Variants in POLI observed in about 807,000 individuals in gnomAD.
POLI encodes DNA polymerase iota, also known as RAD30 homolog B.
POLI carries 58 observed loss-of-function variants against 51.6 expected under a neutral mutation model. The observed-to-expected ratio is 1.12, with a 90% CI of 0.91 to 1.40. The LOEUF (loss-of-function observed/expected upper bound fraction) is 1.40, where lower values mean the gene tolerates loss of function less well. Among genes scored for constraint, POLI ranks in the 40% most tolerant of loss-of-function variants. POLI has a pLI of 0.00. For synonymous variants in POLI, 322 were observed against 299.7 expected, an observed-to-expected ratio of 1.07 and a Z score of -0.77; for missense variants, 921 against 871.3, an observed-to-expected ratio of 1.06 and a Z score of -0.72.
Position 54,277,844 on chromosome 18 carries a change from A to G in POLI, c.548A>G (p.Tyr183Cys). 6 of 1,610,508 alleles carry G rather than the reference A, an allele frequency of 3.7e-6. No individual in the cohort carries two copies. The highest frequency in any genetic ancestry group is 5.1e-6 in the Non-Finnish European group (6 of 1,177,926). ...GCGGTGACTGTGTCGGGTCATGTAT[A>G]CAATAATCAGTGTGAGTGGGTTCTT... Reference protein sequence around the residue: ...LSAVTVSGHVYNNQSINLLDV... With the variant: ...LSAVTVSGHVCNNQSINLLDV... The change falls in exon 4 of 10, where the codon TAC (tyrosine) becomes TGC (cysteine). Residue 183 changes from tyrosine (Y) to cysteine (C), a missense_variant. Tyr to Cys is a radical substitution (Grantham distance 194). Transcript: ENST00000579534.
At position 54,280,865 on chromosome 18, in the gene POLI, A is replaced by T; in HGVS notation, c.758A>T (p.His253Leu). 1 of 1,609,812 alleles carries T rather than the reference A, an allele frequency of 6.2e-7. No homozygotes were observed. Residue 253 changes from histidine to leucine, a missense_variant, in exon 5 of 10, where the codon CAT (histidine) becomes CTT (leucine). His to Leu is a moderately conservative substitution (Grantham distance 99). Transcript: ENST00000579534. ...GTCTTATTACCTGAAAGTTGTCAAC[A>T]TCTTATTCATAGTTTGAATCACATA... The part of the protein sequence containing the change: ...QTVLLPESCQ[H>L]LIHSLNHIKE...
chr18:54,297,465 A>T lies in POLI; in HGVS notation c.*2998A>T, dbSNP rs946278807. 2.0e-6 allele frequency: 2 copies of T among 980,802 alleles called. No homozygotes were observed. Among genetic ancestry groups the T allele is most frequent in the Non-Finnish European group, 2.4e-6 (2 of 826,000 alleles). 60.8% of individuals were successfully genotyped at this position (980,802 alleles called of 1,614,324 possible). A position where few individuals can be genotyped will look rare whatever the true frequency, so the allele number is the denominator to read the frequency against. On this transcript the variant is annotated 3_prime_UTR_variant, in exon 10 of 10. Transcript: ENST00000579534. The stretch of plus-strand genomic sequence containing the variant: ...AATTAAGAGGTCTCTTTTCTCCAAG[A>T]TCTAGTGTTTTGTACTAGGAGAACT...
At position 54,295,184 on chromosome 18, in the gene POLI, G is replaced by A; in HGVS notation, c.*717G>A. ...TAAGGGAAAGATGGACACCAGAAAGGCAAGGTGATGGGCCTATAAGCATAC... is the reference window on the plus strand; with the variant it reads ...TAAGGGAAAGATGGACACCAGAAAGACAAGGTGATGGGCCTATAAGCATAC... On this transcript the variant is annotated 3_prime_UTR_variant, in exon 10 of 10. Coordinates refer to ENST00000579534, the MANE Select transcript of POLI (RefSeq NM_007195.3). 1 of 985,388 alleles carries A rather than the reference G, an allele frequency of 1.0e-6. No homozygotes were observed. Among genetic ancestry groups the A allele is most frequent in the Non-Finnish European group, 1.2e-6 (1 of 829,926 alleles). The allele number at this position is 985,388 out of a possible 1,614,324, so 61.0% of individuals were successfully genotyped here.
chr18:54,316,565 T>G (rs924576264), intron 3 of POLI, among the ~76,000 whole-genome samples: 3 of 152,176 alleles, frequency 2.0e-5, no homozygotes, highest in Non-Finnish European at 2.9e-5. Flanking sequence ...ATTTGTTTTG[T>G]GGTGTTATTT....
Position 54,291,766 on chromosome 18 carries a change from C to G in POLI, c.1199-67C>G. The G allele has an allele frequency of 4.1e-6, 3 of 723,910 alleles. No homozygotes were observed. The East Asian group carries it at 8.4e-5, about 20-fold the overall frequency. 44.8% of individuals were successfully genotyped at this position (723,910 alleles called of 1,614,324 possible). A position where few individuals can be genotyped will look rare whatever the true frequency, so the allele number is the denominator to read the frequency against. On this transcript the variant is annotated intron_variant, in intron 8 of 9. Coordinates refer to ENST00000579534, the MANE Select transcript of POLI (RefSeq NM_007195.3). Reference sequence around the variant, plus strand: ...ATTTAGGATTTTAATTTCTTAATCTCAGCAATATAAAATATATTATGCTCT... The same window carrying G: ...ATTTAGGATTTTAATTTCTTAATCTGAGCAATATAAAATATATTATGCTCT...
intron 8 of POLI, among the ~76,000 whole-genome samples, chr18:54,289,337 C>A (rs888467221): frequency 3.9e-5 from 6 of 151,968 alleles, no homozygotes; most frequent in African/African-American, 1.5e-4. Flanking sequence ...CCGTCTACCT[C>A]TGCCAGTGGA....
At chr18:54,271,150 A>G (rs1206648313) in intron 1 of POLI, 3 of 347,520 alleles carry the variant, frequency 8.6e-6, no homozygotes, top group Non-Finnish European at 4.9e-6. Context: ...AGAAAAACGC[A>G]GTGCACAAAC....
intron 7 of POLI, among the ~76,000 whole-genome samples, chr18:54,286,498 C>T (rs1290400021): frequency 6.6e-6 from 1 of 151,812 alleles, no homozygotes; most frequent in African/African-American, 2.4e-5. Context: ...AGTGATTACT[C>T]TTTAACAAAA....
intron 1 of POLI, chr18:54,269,862 G>A (rs1237670713): frequency 1.5e-6 from 2 of 1,328,048 alleles, no homozygotes; most frequent in Non-Finnish European, 1.9e-6. Context: ...GGAGTAGGGT[G>A]GGGCGCGTCC....
intron 1 of POLI, chr18:54,270,019 T>A (rs2086931583): frequency 9.8e-7 from 1 of 1,020,458 alleles, no homozygotes; most frequent in Non-Finnish European, 1.2e-6. Context: ...ACCTTGTCGC[T>A]CATTTGGCAG....
At chr18:54,274,750 A>G (rs959320578) in intron 3 of POLI, 2 of 152,142 alleles carry the variant, frequency 1.3e-5, no homozygotes, top group African/African-American at 4.8e-5. Flanking sequence ...CGAAAACCGC[A>G]ATTACTTAAT....
chr18:54,295,356 C>T lies in POLI; in HGVS notation c.*889C>T, dbSNP rs888995587. On this transcript the variant is annotated 3_prime_UTR_variant, in exon 10 of 10. Transcript: ENST00000579534. The stretch of plus-strand genomic sequence containing the variant: ...AGACCATTACTAAATTGGTGGATGT[C>T]CTCTTTCTCCCATTGTTATTGCCTT... The T allele has an allele frequency of 1.0e-6, 1 of 984,410 alleles. No individual in the cohort carries two copies. The highest frequency in any genetic ancestry group is 1.2e-6 in the Non-Finnish European group (1 of 829,134). 61.0% of individuals were successfully genotyped at this position (984,410 alleles called of 1,614,324 possible).
intron 3 of POLI, among the ~76,000 whole-genome samples, chr18:54,307,358 G>C (rs1490321909): frequency 6.6e-6 from 1 of 152,178 alleles, no homozygotes; most frequent in Non-Finnish European, 1.5e-5. Flanking sequence ...AGTCATTCAG[G>C]AGCAGGTTGT....
chr18:54,305,980 G>T (rs934702551), intron 3 of POLI, among the ~76,000 whole-genome samples: 1 of 152,002 alleles, frequency 6.6e-6, no homozygotes, highest in Non-Finnish European at 1.5e-5. Context: ...GGATGGTTTC[G>T]ATCTCCTGAC....
At chr18:54,300,211 A>C (rs912108769), downstream of POLI, among the ~76,000 whole-genome samples, 3 of 152,102 alleles carry the variant, frequency 2.0e-5, no homozygotes, top group Non-Finnish European at 4.4e-5. Flanking sequence ...TCTTTTTAAA[A>C]GTTGGCTATA....
chr18:54,301,723 GCT>G (rs2088494224), downstream of POLI, among the ~76,000 whole-genome samples: 1 of 152,064 alleles, frequency 6.6e-6, no homozygotes, highest in African/African-American at 2.4e-5. Flanking sequence ...AGACTGCTGG[GCT>G]CTCTCTGGCT....
At position 54,293,721 on chromosome 18, in the gene POLI, A is replaced by C; in HGVS notation, c.1477A>C (p.Arg493=). 6.2e-7 allele frequency: 1 copy of C among 1,601,228 alleles called. No homozygotes were observed. Among genetic ancestry groups the C allele is most frequent in the Non-Finnish European group, 8.5e-7 (1 of 1,174,796 alleles). ...AAACCGGGATTTCCTACCAAGTGGAAGAATTGAAAGTACAAGAACTAGGGA... is the reference window on the plus strand; with the variant it reads ...AAACCGGGATTTCCTACCAAGTGGACGAATTGAAAGTACAAGAACTAGGGA... ...ETNRDFLPSG[R]IESTRTRESP... The change falls in exon 10 of 10, where the codon AGA becomes CGA. Residue 493 remains arginine, a synonymous_variant. Transcript: ENST00000579534.
chr18:54,290,211 A>G (rs1446973233), intron 8 of POLI, among the ~76,000 whole-genome samples: 1 of 152,272 alleles, frequency 6.6e-6, no homozygotes, highest in African/African-American at 2.4e-5. Flanking sequence ...TTATGCTGCC[A>G]ACAGACATAT....
chr18:54,285,008 G>T (rs1374860501), intron 7 of POLI, among the ~76,000 whole-genome samples: 1 of 152,190 alleles, frequency 6.6e-6, no homozygotes, highest in Non-Finnish European at 1.5e-5. Flanking sequence ...ATTCTAGGAG[G>T]ACTAACTGTA....
Sources: allele counts gnomAD v4.1 joint callset (sites outside exome capture counted in the v4.1 genomes callset), GRCh38; gene constraint gnomAD v4.1.1; transcripts MANE v1.5; gene names NCBI Gene and HGNC (gene_info 2026-07-23, HGNC 2026-07-21).